TEX14: variants seen among roughly 807,000 people sequenced by gnomAD.
TEX14 encodes inactive serine/threonine-protein kinase TEX14.
Under a neutral mutation model 178.6 loss-of-function variants are expected in TEX14, and 168 were observed. The observed-to-expected ratio is 0.94, with a 90% CI of 0.83 to 1.07. TEX14 has a LOEUF of 1.07. TEX14 is among the 50% of genes least tolerant of loss of function. The probability of loss-of-function intolerance (pLI) is 0.00; values close to 1 mark genes in which losing one functional copy is unlikely to be tolerated. For missense variants in TEX14, 1,730 were observed against 1,753.6 expected (o/e 0.99, Z 0.24); for synonymous variants, 626 against 634.1 (o/e 0.99, Z 0.19).
chr17:58,587,447 AAG>A, intron 17 of TEX14, 132 bp downstream of exon 17: 1 of 534,136 alleles, frequency 1.9e-6, no homozygotes, highest in Middle Eastern at 4.9e-4. Flanking sequence ...AATATAATAA[AAG>A]AAAAAAATTC....
chr17:58,645,071 C>T (rs576262131), intron 2 of TEX14, among the ~76,000 whole-genome samples: 8 of 151,166 alleles, frequency 5.3e-5, no homozygotes, highest in Non-Finnish European at 7.4e-5. Flanking sequence ...CTGCAACCTC[C>T]GCCTCCCAGG....
Position 58,574,265 on chromosome 17 carries a change from T to A in TEX14, c.3321-16A>T, listed in dbSNP as rs1238926754. On this transcript the variant is annotated splice_polypyrimidine_tract_variant and intron_variant, in intron 21 of 31. Coordinates refer to ENST00000349033, the MANE Select transcript of TEX14 (RefSeq NM_031272.5). ...ATCTTCAGTACTGTGAGAAAGAAAGTAAGAAAATTACATAAATCCCCTCTG... is the reference window on the plus strand; with the variant it reads ...ATCTTCAGTACTGTGAGAAAGAAAGAAAGAAAATTACATAAATCCCCTCTG... 1.9e-6 allele frequency: 3 copies of A among 1,600,806 alleles called. No homozygotes were observed. Among genetic ancestry groups the A allele is most frequent in the Non-Finnish European group, 2.6e-6 (3 of 1,168,822 alleles).
At chr17:58,658,079 T>A (rs765937117) in intron 1 of TEX14, among the ~76,000 whole-genome samples, 5 of 152,226 alleles carry the variant, frequency 3.3e-5, no homozygotes, top group Admixed American at 6.5e-5. Flanking sequence ...ATTTCTTCCC[T>A]GACCAATTAG....
At chr17:58,603,887 C>G (rs1482912832) in intron 11 of TEX14, among the ~76,000 whole-genome samples, 23 of 105,290 alleles carry the variant, frequency 2.2e-4, no homozygotes, top group Non-Finnish European at 3.3e-4. Flanking sequence ...TGTGATTTTA[C>G]TGTGTGTGTG....
chr17:58,581,713 T>A, intron 19 of TEX14: 3 of 1,612,806 alleles, frequency 1.9e-6, no homozygotes, highest in Non-Finnish European at 2.5e-6. Flanking sequence ...GTGAACAAGT[T>A]GATTGCATGG....
intron 26 of TEX14, among the ~76,000 whole-genome samples, chr17:58,567,194 A>C (rs1448878773): frequency 6.6e-6 from 1 of 152,170 alleles, no homozygotes; most frequent in African/African-American, 2.4e-5. Flanking sequence ...AAGGAAAGGA[A>C]AAAGGCAAGG....
At chr17:58,599,834 G>A (rs2045385948) in intron 13 of TEX14, among the ~76,000 whole-genome samples, 168 bp from the exon 14 acceptor site, 1 of 152,114 alleles carries the variant, frequency 6.6e-6, no homozygotes, top group Non-Finnish European at 1.5e-5. Context: ...CACAAAGGGT[G>A]AGGGAGTATG....
chr17:58,679,477 A>C lies in TEX14; in HGVS notation c.-2+12462T>G, dbSNP rs1474214056. On this transcript the variant is annotated intron_variant, in intron 1 of 31. Transcript: ENST00000349033. ...AGGAGGTTACAATATAACACAGGAA[A>C]ACCTACGAAGCAAAGATACAACGTA... 5 of 152,288 alleles carry C rather than the reference A, an allele frequency of 3.3e-5. No individual in the cohort carries two copies. The East Asian group carries it at 5.8e-4, about 18-fold the overall frequency. 9.4% of individuals were successfully genotyped at this position (152,288 alleles called of 1,614,324 possible).
intron 6 of TEX14, 131 bp from the exon 7 acceptor site, chr17:58,616,436 G>GC: frequency 9.4e-7 from 1 of 1,062,770 alleles, no homozygotes; most frequent in Non-Finnish European, 1.3e-6. Context: ...TATGCACTGG[G>GC]CCTTTTTTTT....
At position 58,595,496 on chromosome 17, in the gene TEX14, T is replaced by C. The variant is rs1159833744; in HGVS notation, c.2470-1835A>G. 2.0e-5 allele frequency among the ~76,000 whole-genome samples: 3 copies of C among 152,330 alleles called. No individual in the cohort carries two copies. In the East Asian group the frequency reaches 5.8e-4, roughly 29 times the overall value. On this transcript the variant is annotated intron_variant, in intron 14 of 31. Transcript: ENST00000349033. ...GATCAACAGAAAGCAGCGAAAGTGATACAATCCTAGGGTCAGGACTAACTT... is the reference window on the plus strand; with the variant it reads ...GATCAACAGAAAGCAGCGAAAGTGACACAATCCTAGGGTCAGGACTAACTT...
At chr17:58,675,636 C>G (rs1429516249) in intron 1 of TEX14, among the ~76,000 whole-genome samples, 1 of 152,130 alleles carries the variant, frequency 6.6e-6, no homozygotes, top group Non-Finnish European at 1.5e-5. Flanking sequence ...TCTCCCTTCC[C>G]CAGACAGACT....
rs1165996492 is a variant in TEX14, at chr17:58,617,632, A to G, written c.555-13T>C. 2 of 1,594,890 alleles carry G rather than the reference A, an allele frequency of 1.3e-6. No individual in the cohort carries two copies. Among genetic ancestry groups the G allele is most frequent in the Non-Finnish European group, 1.7e-6 (2 of 1,165,226 alleles). ...GCCATTAGGGTTTCTAGAAATATTT[A>G]AAACAGGAAAAAAACCTCAGAATTA... On this transcript the variant is annotated splice_polypyrimidine_tract_variant and intron_variant, in intron 5 of 31. Transcript: ENST00000349033.
At position 58,616,289 on chromosome 17, in the gene TEX14, G is replaced by A. The variant is rs201712949; in HGVS notation, c.653C>T (p.Ala218Val). 2.6e-4 allele frequency: 412 copies of A among 1,612,990 alleles called. No individual in the cohort carries two copies. Among genetic ancestry groups the A allele is most frequent in the Admixed American group, 3.0e-4 (18 of 59,728 alleles). ...AGATCCTAGATAGGCCATCTGTGTC[G>A]CCCCAGTAAGATAAAACTGAAACCA... ...FGFGKFYLTG[A>V]TQMAYLGSLP... is the part of the protein sequence containing the mutation. The change falls in exon 7 of 32, where the codon GCG becomes GTG. Residue 218 changes from alanine to valine, a missense_variant. Ala to Val is a moderately conservative substitution (Grantham distance 64). Transcript: ENST00000349033.
intron 2 of TEX14, among the ~76,000 whole-genome samples, chr17:58,634,100 A>G (rs1391297183): frequency 6.6e-6 from 1 of 152,096 alleles, no homozygotes. Flanking sequence ...CAACAGTATC[A>G]AAGCCTGAGA....
In TEX14 at chr17:58,602,548, T is replaced by G; in HGVS notation, c.1379A>C (p.Lys460Thr). 1 of 1,613,986 alleles carries G rather than the reference T, an allele frequency of 6.2e-7. No individual in the cohort carries two copies. Among genetic ancestry groups the G allele is most frequent in the African/African-American group, 1.3e-5 (1 of 75,000 alleles). The part of the protein sequence containing the change: ...WKGLDGSVVK[K>T]AVVSGNYLEA... ...TAAATAATTCCCCGAGACTACGGCTTTTTTAACAACTGAGCCATCTAAGCC... is the reference window on the plus strand; with the variant it reads ...TAAATAATTCCCCGAGACTACGGCTGTTTTAACAACTGAGCCATCTAAGCC... The change falls in exon 12 of 32, where the codon AAA becomes ACA. Residue 460 changes from lysine to threonine, a missense_variant. Around this residue, in one of 2 missense-constraint regions of TEX14, gnomAD observed 789 missense variants for 681.2 expected, o/e 1.16. Transcript: ENST00000349033.
intron 2 of TEX14, among the ~76,000 whole-genome samples, chr17:58,641,161 A>C (rs904461240): frequency 3.3e-5 from 5 of 152,124 alleles, no homozygotes; most frequent in African/African-American, 1.2e-4. Flanking sequence ...CTATAATCCT[A>C]GCACTTTGGG....
chr17:58,578,145 T>C (rs1365613855), intron 20 of TEX14, among the ~76,000 whole-genome samples: 1 of 152,034 alleles, frequency 6.6e-6, no homozygotes, highest in African/African-American at 2.4e-5. Context: ...ATTCCTTAGG[T>C]CCAGGTGGTC....
chr17:58,573,297 T>C lies in TEX14; in HGVS notation c.3395A>G (p.Asp1132Gly). ...ELKEKDISLT[D>G]IQDLSSISYE... ...GGAGATACTAGACAGGTCTTGAATA[T>C]CCGTCAATGATCTAAAGAATTAAGA... The change falls in exon 23 of 32, where the codon GAT (aspartate) becomes GGT (glycine). Residue 1132 changes from aspartate (D) to glycine (G), a missense_variant. This residue lies in a region of TEX14 where 941 missense variants were observed against 1,072.4 expected (regional missense o/e 0.88). Transcript: ENST00000349033. 1.3e-5 allele frequency: 21 copies of C among 1,613,662 alleles called. No homozygotes were observed. Among genetic ancestry groups the C allele is most frequent in the Non-Finnish European group, 1.8e-5 (21 of 1,179,636 alleles).
chr17:58,599,447 T>C lies in TEX14; in HGVS notation c.1898A>G (p.Glu633Gly). 6.2e-7 allele frequency: 1 copy of C among 1,614,168 alleles called. No homozygotes were observed. Among genetic ancestry groups the C allele is most frequent in the South Asian group, 1.1e-5 (1 of 91,088 alleles). The change falls in exon 14 of 32, where the codon GAA becomes GGA. Residue 633 changes from glutamate to glycine, a missense_variant. Transcript: ENST00000349033. Reference protein sequence around the residue: ...NEIYSGCLILEDDIEEPPGAA... With the variant: ...NEIYSGCLILGDDIEEPPGAA... ...TCCTGGAGGCTCTTCTATGTCATCT[T>C]CCAAAATCAAGCAGCCTGAGTAGAT...
Sources: gnomAD v4.1 joint callset for allele counts (sites outside exome capture counted in the v4.1 genomes callset) on GRCh38, gnomAD v4.1.1 for gene constraint, gnomAD v4.1.1 regional missense constraint, MANE v1.5 for transcripts, NCBI Gene and HGNC (gene_info 2026-07-23, HGNC 2026-07-21) for gene names.